COL5A1: variants seen among roughly 807,000 people sequenced by gnomAD.
COL5A1 encodes collagen alpha-1(V) chain.
COL5A1 carries 16 observed loss-of-function variants against 263.7 expected under a neutral mutation model. The observed-to-expected ratio is 0.06, with a 90% CI of 0.04 to 0.09. The LOEUF (loss-of-function observed/expected upper bound fraction) is 0.09, where lower values mean the gene tolerates loss of function less well. Among genes scored for constraint, COL5A1 ranks in the 10% least tolerant of loss-of-function variants. The probability of loss-of-function intolerance (pLI) is 1.00; values close to 1 mark genes in which losing one functional copy is unlikely to be tolerated. For synonymous variants in COL5A1, 1,012 were observed against 1,004.5 expected, an observed-to-expected ratio of 1.01 and a Z score of -0.14; for missense variants, 2,036 against 2,540.5, an observed-to-expected ratio of 0.80 and a Z score of 4.27.
intron 39 of COL5A1, among the ~76,000 whole-genome samples, chr9:134,803,233 C>T (rs993926106): frequency 2.0e-5 from 3 of 152,192 alleles, no homozygotes; most frequent in Non-Finnish European, 4.4e-5. Flanking sequence ...CACCATCCTC[C>T]ACCCTCTGCT....
At chr9:134,704,521 C>CAGAA (rs1196820112) in intron 4 of COL5A1, among the ~76,000 whole-genome samples, 1 of 152,190 alleles carries the variant, frequency 6.6e-6, no homozygotes, top group Non-Finnish European at 1.5e-5. Flanking sequence ...GCCTGGCAGG[C>CAGAA]TTCTGGTCGA....
chr9:134,757,044 GGCGA>G lies in COL5A1; in HGVS notation c.1881+229_1881+232del, dbSNP rs1051835818. On this transcript the variant is annotated intron_variant, in intron 17 of 65. Transcript: ENST00000371817. This position sits in a 1 kb window ranked among gnomAD's most constrained non-coding sequence, Gnocchi z 6.2. ...GAGAAATTTGCTCCCTTCCAGCAGT[GGCGA>G]GCAGGGATGGGGGTGGGATCCCGAC... Among the ~76,000 whole-genome samples, 14 of 152,242 alleles carry G rather than the reference GGCGA, an allele frequency of 9.2e-5. No individual in the cohort carries two copies. Among genetic ancestry groups the G allele is most frequent in the African/African-American group, 3.4e-4 (14 of 41,548 alleles).
At chr9:134,756,717 G>C in intron 16 of COL5A1, 48 bp from the exon 17 acceptor site, 1 of 1,597,354 alleles carries the variant, frequency 6.3e-7, no homozygotes. Flanking sequence ...GGGGGTCTCA[G>C]TGAACCGGGG....
intron 31 of COL5A1, among the ~76,000 whole-genome samples, chr9:134,786,804 C>T (rs1027906462): frequency 6.6e-6 from 1 of 152,192 alleles, no homozygotes; most frequent in Non-Finnish European, 1.5e-5. Flanking sequence ...GGGGTCCCGT[C>T]TTTCTCAGAT....
chr9:134,809,177 C>T lies in COL5A1; in HGVS notation c.3367-6C>T, dbSNP rs1234835995. 1 of 1,569,046 alleles carries T rather than the reference C, an allele frequency of 6.4e-7. No homozygotes were observed. The highest frequency in any genetic ancestry group is 8.7e-7 in the Non-Finnish European group (1 of 1,156,016). ...CGTTTGACCTGAGATCTTCTGTATT[C>T]TCTAGGGCGAGAAAGGCCCACAAGG... On this transcript the variant is annotated splice_region_variant and splice_polypyrimidine_tract_variant and intron_variant, in intron 42 of 65. Transcript: ENST00000371817.
chr9:134,710,003 G>C (rs1362492251), intron 4 of COL5A1, among the ~76,000 whole-genome samples: 3 of 152,174 alleles, frequency 2.0e-5, no homozygotes, highest in Non-Finnish European at 4.4e-5. Flanking sequence ...CACGGCTGAC[G>C]GGCGAGGGGG....
chr9:134,789,009 CAGGT>C lies in COL5A1; in HGVS notation c.2647-141_2647-138del, dbSNP rs1419347001. Reference sequence around the variant, plus strand: ...GTGGATAGGTGAGAAGGTAGGTAGACAGGTAGGTGGGTGGTTGGGTGGGTGGGCA... The same window carrying C: ...GTGGATAGGTGAGAAGGTAGGTAGACAGGTGGGTGGTTGGGTGGGTGGGCA... On this transcript the variant is annotated intron_variant, in intron 31 of 65. Coordinates refer to ENST00000371817, the MANE Select transcript of COL5A1 (RefSeq NM_000093.5). The surrounding 1 kb of genome is among the most constrained non-coding windows in gnomAD (Gnocchi z 4.8). 9 of 667,270 alleles carry C rather than the reference CAGGT, an allele frequency of 1.3e-5. No homozygotes were observed. Among genetic ancestry groups the C allele is most frequent in the East Asian group, 8.4e-5 (3 of 35,872 alleles). 41.3% of individuals were successfully genotyped at this position (667,270 alleles called of 1,614,324 possible).
intron 24 of COL5A1, among the ~76,000 whole-genome samples, chr9:134,768,157 GA>G (rs781695798): frequency 1.3e-5 from 2 of 152,148 alleles, no homozygotes; most frequent in Non-Finnish European, 2.9e-5. Flanking sequence ...TGGATGTGGA[GA>G]AGAATGGGGG....
intron 50 of COL5A1, 71 bp downstream of exon 50, chr9:134,814,975 C>A: frequency 9.2e-7 from 1 of 1,087,700 alleles, no homozygotes; most frequent in Non-Finnish European, 1.4e-6. Flanking sequence ...CATTCTGACT[C>A]ACTGGCGGTG....
rs377730248 is a variant in COL5A1, at chr9:134,778,105, G to T, written c.2386-1997G>T. ...GTTGTCTCTGAGGCGATGCCACGCC[G>T]TGGTGAGACGGCAGGTGGTTTTCTG... On this transcript the variant is annotated intron_variant, in intron 27 of 65. Transcript: ENST00000371817. Among the ~76,000 whole-genome samples the T allele has an allele frequency of 3.3e-5, 5 of 152,242 alleles. No homozygotes were observed. The South Asian group carries it at 6.2e-4, about 19-fold the overall frequency.
In COL5A1 at chr9:134,765,561, G is replaced by A. The variant is rs577479794; in HGVS notation, c.2035-120G>A. 1 of 856,204 alleles carries A rather than the reference G, an allele frequency of 1.2e-6. No homozygotes were observed. Among genetic ancestry groups the A allele is most frequent in the South Asian group, 1.4e-5 (1 of 69,090 alleles). 53.0% of individuals were successfully genotyped at this position (856,204 alleles called of 1,614,324 possible). A position where few individuals can be genotyped will look rare whatever the true frequency, so the allele number is the denominator to read the frequency against. On this transcript the variant is annotated intron_variant, in intron 20 of 65. Transcript: ENST00000371817. This position sits in a 1 kb window ranked among gnomAD's most constrained non-coding sequence, Gnocchi z 5.1. ...CTGGGCCTCACTCCTGGGAGGCCAG[G>A]AGGCCTGAGTCACCAGCTGGGGTTC...
intron 11 of COL5A1, among the ~76,000 whole-genome samples, chr9:134,739,996 T>C (rs936379266): frequency 6.6e-6 from 1 of 152,124 alleles, no homozygotes; most frequent in East Asian, 1.9e-4. Flanking sequence ...ACGCATCAGA[T>C]TGGGCCACAC....
intron 19 of COL5A1, among the ~76,000 whole-genome samples, chr9:134,762,539 A>G (rs554273366): frequency 2.0e-5 from 3 of 152,232 alleles, no homozygotes; most frequent in Non-Finnish European, 2.9e-5. Context: ...CGCCGTCTTC[A>G]TGTGTGGAGG....
intron 1 of COL5A1, among the ~76,000 whole-genome samples, chr9:134,651,687 G>C (rs989370894): frequency 6.6e-6 from 1 of 152,204 alleles, no homozygotes; most frequent in Admixed American, 6.5e-5. Flanking sequence ...GGTGTGGGGA[G>C]AGCCGGCCCG....
chr9:134,823,123 C>A, intron 60 of COL5A1, 90 bp downstream of exon 60: 2 of 1,438,458 alleles, frequency 1.4e-6, no homozygotes, highest in South Asian at 2.3e-5. Context: ...ACCCAGACAA[C>A]CGTCCTAGCT....
At chr9:134,749,896 G>T (rs768333443) in intron 11 of COL5A1, among the ~76,000 whole-genome samples, 2 of 152,234 alleles carry the variant, frequency 1.3e-5, no homozygotes, top group African/African-American at 2.4e-5. Flanking sequence ...GGCTGGAATT[G>T]GTCTAGAGAA....
chr9:134,794,322 TAA>T lies in COL5A1; in HGVS notation c.2701-746_2701-745del, dbSNP rs59916977. On this transcript the variant is annotated intron_variant, in intron 32 of 65. Coordinates refer to ENST00000371817, the MANE Select transcript of COL5A1 (RefSeq NM_000093.5). The surrounding 1 kb of genome is among the most constrained non-coding windows in gnomAD (Gnocchi z 4.3). Reference sequence around the variant, plus strand: ...CCTGGCGGCAGAGCAAGACTCTGTCTAAAAAAAAAAAAAAAGAAACAAAAAAG... The same window carrying T: ...CCTGGCGGCAGAGCAAGACTCTGTCTAAAAAAAAAAAAAGAAACAAAAAAG... Among the ~76,000 whole-genome samples the T allele has an allele frequency of 9.9e-4, 139 of 140,846 alleles. No homozygotes were observed. Among genetic ancestry groups the T allele is most frequent in the Non-Finnish European group, 1.2e-3 (77 of 64,940 alleles). The allele number at this position is 140,846 out of a possible 152,430, so 92.4% of individuals were successfully genotyped here.
chr9:134,798,375 A>G (rs1174957932), intron 36 of COL5A1, 33 bp from the exon 37 acceptor site: 1 of 1,611,058 alleles, frequency 6.2e-7, no homozygotes, highest in South Asian at 1.1e-5. Flanking sequence ...CTCAGACACG[A>G]ATGAACCTCC....
chr9:134,755,071 A>T lies in COL5A1; in HGVS notation c.1827+745A>T, dbSNP rs778921732. ...TCCCTAGTGGTTCTGGATGCTCCTG[A>T]CTTGGGGAGCAAGCTGTGGTTAGTG... is the stretch of plus-strand genomic sequence containing the variant. On this transcript the variant is annotated intron_variant, in intron 16 of 65. Transcript: ENST00000371817. The surrounding 1 kb of genome is among the most constrained non-coding windows in gnomAD (Gnocchi z 4.1). Among the ~76,000 whole-genome samples, 6 of 152,042 alleles carry T rather than the reference A, an allele frequency of 3.9e-5. No individual in the cohort carries two copies. Among genetic ancestry groups the T allele is most frequent in the Non-Finnish European group, 7.4e-5 (5 of 68,024 alleles).
Sources: gnomAD v4.1 joint callset for allele counts (sites outside exome capture counted in the v4.1 genomes callset) on GRCh38, gnomAD v4.1.1 for gene constraint, Gnocchi (gnomAD v3.1) non-coding constraint, MANE v1.5 for transcripts, NCBI Gene and HGNC (gene_info 2026-07-23, HGNC 2026-07-21) for gene names.